The following INPP4B variants were observed in gnomAD, a reference collection of about 807,000 sequenced individuals.
INPP4B encodes inositol polyphosphate 4-phosphatase type II.
INPP4B carries 55 observed loss-of-function variants against 122.5 expected under a neutral mutation model. The ratio of observed to expected loss-of-function variants is 0.45; its 90% CI spans 0.36 to 0.56. INPP4B has a LOEUF of 0.56. INPP4B is among the 20% of genes least tolerant of loss of function. The probability of loss-of-function intolerance (pLI) is 0.00; values close to 1 mark genes in which losing one functional copy is unlikely to be tolerated. For synonymous variants in INPP4B, 403 were observed against 388.7 expected, an observed-to-expected ratio of 1.04 and a Z score of -0.43; for missense variants, 1,000 against 1,097.7, an observed-to-expected ratio of 0.91 and a Z score of 1.26.
intron 17 of INPP4B, among the ~76,000 whole-genome samples, chr4:142,147,214 T>G (rs909538380): frequency 3.3e-5 from 5 of 152,172 alleles, no homozygotes; most frequent in Non-Finnish European, 5.9e-5. Flanking sequence ...TAGTACTAAA[T>G]TAGAGTATTT....
At chr4:142,514,398 T>A (rs534740731) in intron 2 of INPP4B, 21 of 152,348 alleles carry the variant, frequency 1.4e-4, no homozygotes, top group African/African-American at 5.0e-4. Context: ...ACCAAAGGTG[T>A]AGAAACATAT....
chr4:142,201,329 C>T (rs1025049018), intron 14 of INPP4B, among the ~76,000 whole-genome samples: 11 of 152,032 alleles, frequency 7.2e-5, no homozygotes, highest in African/African-American at 2.7e-4. Context: ...GAGATATTTT[C>T]CCTCACATTT....
chr4:142,518,773 G>C (rs1009346972), intron 2 of INPP4B: 1 of 152,196 alleles, frequency 6.6e-6, no homozygotes, highest in Admixed American at 6.5e-5. Flanking sequence ...GAGAAACTGA[G>C]AGCCAGCGTC....
At chr4:142,267,018 G>A (rs1357617178) in intron 10 of INPP4B, among the ~76,000 whole-genome samples, 1 of 152,046 alleles carries the variant, frequency 6.6e-6, no homozygotes, top group Non-Finnish European at 1.5e-5. Flanking sequence ...GAAGATCTGT[G>A]TACTGAAAAC....
chr4:142,591,547 G>T (rs1412162181), intron 2 of INPP4B, among the ~76,000 whole-genome samples: 1 of 152,150 alleles, frequency 6.6e-6, no homozygotes, highest in Non-Finnish European at 1.5e-5. Context: ...CAGCCCTCAA[G>T]GAGGTGGAGC....
chr4:142,529,591 A>G (rs975135), intron 2 of INPP4B, among the ~76,000 whole-genome samples: 73,618 of 151,820 alleles, frequency 0.48, 19,643 homozygotes, highest in Non-Finnish European at 0.62. Flanking sequence ...ACTTTAAAAT[A>G]TGTATTTTAA....
chr4:142,188,038 C>A (rs1434260237), intron 15 of INPP4B, among the ~76,000 whole-genome samples: 1 of 152,030 alleles, frequency 6.6e-6, no homozygotes, highest in Non-Finnish European at 1.5e-5. Flanking sequence ...CCAGTAATTG[C>A]TGTTAAGGAG....
At chr4:142,441,683 G>A (rs1477872296) in intron 3 of INPP4B, among the ~76,000 whole-genome samples, 1 of 152,062 alleles carries the variant, frequency 6.6e-6, no homozygotes, top group East Asian at 1.9e-4. Context: ...AAGGGGACAA[G>A]AAAAGAAGTT....
At chr4:142,808,490 G>A (rs897221793) in intron 1 of INPP4B, among the ~76,000 whole-genome samples, 4 of 152,108 alleles carry the variant, frequency 2.6e-5, no homozygotes, top group Admixed American at 6.6e-5. Context: ...AATCTCAGCT[G>A]TACTTCCCAC....
At chr4:142,421,988 A>G (rs1344183864) in intron 5 of INPP4B, among the ~76,000 whole-genome samples, 29 of 152,090 alleles carry the variant, frequency 1.9e-4, no homozygotes, top group Admixed American at 1.9e-3. Flanking sequence ...GAGCCTCCAA[A>G]TCAGACAAAA....
chr4:142,594,909 C>T (rs559237549), intron 2 of INPP4B, among the ~76,000 whole-genome samples: 11 of 143,062 alleles, frequency 7.7e-5, no homozygotes, highest in East Asian at 2.1e-4. Flanking sequence ...GAGCCAAGAT[C>T]GCGTCACTGC....
At chr4:142,501,602 C>A (rs1823383434) in intron 2 of INPP4B, among the ~76,000 whole-genome samples, 1 of 151,452 alleles carries the variant, frequency 6.6e-6, no homozygotes, top group South Asian at 2.1e-4. Flanking sequence ...TATCTAATAT[C>A]CAAATAAGAG....
rs553667497 is a variant in INPP4B at position 142,095,333 on chromosome 4, C to A, written c.2375-9077G>T. 9.9e-5 allele frequency among the ~76,000 whole-genome samples: 15 copies of A among 152,184 alleles called. No individual in the cohort carries two copies. The South Asian group carries it at 3.1e-3, about 32-fold the overall frequency. ...TTTGGAAGAGTGCTATGCCAAATAGCTGAGTGAATTACAGAGTTGGAAAAG... is the reference window on the plus strand; with the variant it reads ...TTTGGAAGAGTGCTATGCCAAATAGATGAGTGAATTACAGAGTTGGAAAAG... On this transcript the variant is annotated intron_variant, in intron 23 of 25. Transcript: ENST00000262992.
At chr4:142,836,304 G>C (rs1782762785) in intron 1 of INPP4B, among the ~76,000 whole-genome samples, 1 of 146,612 alleles carries the variant, frequency 6.8e-6, no homozygotes, top group African/African-American at 2.7e-5. Flanking sequence ...AGAAAATCAA[G>C]AAGAAGAAGG....
chr4:142,392,343 A>G (rs1797971661), intron 7 of INPP4B, among the ~76,000 whole-genome samples: 1 of 152,198 alleles, frequency 6.6e-6, no homozygotes, highest in Admixed American at 6.5e-5. Context: ...TTATGCCTCT[A>G]TGAACAATAG....
chr4:142,546,060 T>G (rs1829615069), intron 2 of INPP4B, among the ~76,000 whole-genome samples: 1 of 152,020 alleles, frequency 6.6e-6, no homozygotes, highest in South Asian at 2.1e-4. Context: ...TGATTAGTGA[T>G]TTTTCCTTAT....
chr4:142,539,647 C>G (rs1828705135), intron 2 of INPP4B, among the ~76,000 whole-genome samples: 1 of 152,012 alleles, frequency 6.6e-6, no homozygotes, highest in Non-Finnish European at 1.5e-5. Flanking sequence ...CTGTGAAAAA[C>G]TGTTGAGTAG....
chr4:142,101,788 A>G (rs1224835460), intron 23 of INPP4B, among the ~76,000 whole-genome samples: 1 of 152,116 alleles, frequency 6.6e-6, no homozygotes, highest in Non-Finnish European at 1.5e-5. Context: ...TTTCATTTTG[A>G]AAACAAAATC....
chr4:142,618,783 A>C (rs1024266590), intron 2 of INPP4B, among the ~76,000 whole-genome samples: 4 of 152,028 alleles, frequency 2.6e-5, no homozygotes, highest in South Asian at 2.1e-4. Flanking sequence ...CAACAAAATG[A>C]AAAGACAATC....
Sources: gnomAD v4.1 joint callset for allele counts (sites outside exome capture counted in the v4.1 genomes callset) on GRCh38, gnomAD v4.1.1 for gene constraint, MANE v1.5 for transcripts, NCBI Gene and HGNC (gene_info 2026-07-23, HGNC 2026-07-21) for gene names.